The following AFF4 variants were observed in gnomAD, a reference collection of about 807,000 sequenced individuals.
AFF4 encodes the protein ALF transcription elongation factor 4.
A neutral mutation model predicts 124.8 loss-of-function variants in AFF4; 13 were observed. That is an observed-to-expected ratio of 0.10 (90% CI 0.07 to 0.17). The LOEUF (loss-of-function observed/expected upper bound fraction) is 0.17, where lower values mean the gene tolerates loss of function less well. AFF4 is among the 10% of genes least tolerant of loss of function. The pLI is 1.00. For missense variants in AFF4, 1,092 were observed against 1,403.8 expected (o/e 0.78, Z 3.55); for synonymous variants, 477 against 496.1 (o/e 0.96, Z 0.51).
At chr5:132,886,440 A>G (rs766618602) in intron 17 of AFF4, 37 bp from the exon 18 acceptor site, 6 of 1,595,858 alleles carry the variant, frequency 3.8e-6, no homozygotes, top group South Asian at 1.1e-5. Context: ...TTACCAGGAC[A>G]GCAAACTCTG....
chr5:132,888,081 G>A lies in AFF4; in HGVS notation c.2796+16C>T, dbSNP rs760584834. 6.2e-6 allele frequency: 10 copies of A among 1,608,478 alleles called. No individual in the cohort carries two copies. In the East Asian group the frequency reaches 1.3e-4, roughly 22 times the overall value. ...ATTTGATTAAATACGTAAGTGTAAG[G>A]AGAATATCTACATACCAATGCATCT... On this transcript the variant is annotated intron_variant, in intron 15 of 20. Coordinates refer to ENST00000265343, the MANE Select transcript of AFF4 (RefSeq NM_014423.4).
intron 1 of AFF4, among the ~76,000 whole-genome samples, chr5:132,937,979 T>C (rs922979335): frequency 6.6e-6 from 1 of 152,170 alleles, no homozygotes; most frequent in Non-Finnish European, 1.5e-5. Context: ...AGCCAATTTA[T>C]AGCAGCAAGG....
At chr5:132,904,238 A>G in intron 6 of AFF4, 130 bp downstream of exon 6, 4 of 873,714 alleles carry the variant, frequency 4.6e-6, no homozygotes, top group Non-Finnish European at 7.0e-6. Flanking sequence ...GAAAAAAAAA[A>G]AAAGAAAACA....
chr5:132,924,197 TG>T (rs1468109812), intron 5 of AFF4, among the ~76,000 whole-genome samples: 3 of 151,976 alleles, frequency 2.0e-5, no homozygotes, highest in Non-Finnish European at 4.4e-5. Flanking sequence ...GAGGTTGCAG[TG>T]AGCCGAGATC....
Position 132,875,962 on chromosome 5 carries a change from CA to C in AFF4, c.*5096del. 1 of 226,710 alleles carries C rather than the reference CA, an allele frequency of 4.4e-6. No homozygotes were observed. Among genetic ancestry groups the C allele is most frequent in the Non-Finnish European group, 8.8e-6 (1 of 113,920 alleles). The allele number at this position is 226,710 out of a possible 1,614,324, so 14.0% of individuals were successfully genotyped here. A position where few individuals can be genotyped will look rare whatever the true frequency, so the allele number is the denominator to read the frequency against. On this transcript the variant is annotated 3_prime_UTR_variant, in exon 21 of 21. Coordinates refer to ENST00000265343, the MANE Select transcript of AFF4 (RefSeq NM_014423.4). The stretch of plus-strand genomic sequence containing the variant: ...TTTATCAGTGACATTATCTCCCCTC[CA>C]AAACCCTCCCCAAATATCAAACAAT...
At chr5:132,953,390 G>A (rs1761886440) in intron 1 of AFF4, among the ~76,000 whole-genome samples, 1 of 151,906 alleles carries the variant, frequency 6.6e-6, no homozygotes, top group Admixed American at 6.6e-5. Context: ...AAGGATGCAT[G>A]ACACCACACC....
chr5:132,955,579 C>A (rs1234483370), intron 1 of AFF4, among the ~76,000 whole-genome samples: 1 of 151,858 alleles, frequency 6.6e-6, no homozygotes, highest in Non-Finnish European at 1.5e-5. Flanking sequence ...GAGTTCAAGA[C>A]CAGCCTGATC....
At chr5:132,930,999 C>G (rs1056719859) in intron 4 of AFF4, among the ~76,000 whole-genome samples, 1 of 148,670 alleles carries the variant, frequency 6.7e-6, no homozygotes, top group Non-Finnish European at 1.5e-5. Flanking sequence ...CCCAGCTACT[C>G]AGGAGGCTGA....
In AFF4 at chr5:132,954,633, C is replaced by T. The variant is rs1297574818; in HGVS notation, c.-5+8626G>A. 3.1e-4 allele frequency among the ~76,000 whole-genome samples: 46 copies of T among 149,746 alleles called. No individual in the cohort carries two copies. In the East Asian group the frequency reaches 5.7e-3, roughly 19 times the overall value. On this transcript the variant is annotated intron_variant, in intron 1 of 20. Coordinates refer to ENST00000265343, the MANE Select transcript of AFF4 (RefSeq NM_014423.4). ...CGGGATCTCGGCTCACTGCAAGCTC[C>T]GCCTCCCGGGTTCACGCCATTCTCC... is the stretch of plus-strand genomic sequence containing the variant.
Position 132,934,329 on chromosome 5 carries a change from A to C in AFF4, c.736T>G (p.Ser246Ala), listed in dbSNP as rs760623140. Residue 246 changes from serine to alanine, a missense_variant, in exon 3 of 21, where the codon TCC (serine) becomes GCC (alanine). By Grantham distance (99) the Ser-to-Ala change is moderately conservative (BLOSUM62 1). Transcript: ENST00000265343. ...GTGGGTTTCTGTAACATTGAATTGG[A>C]CTTTGACATCAATGAGGGTGGGAAA... ...QSFPPSLMSK[S>A]NSMLQKPTAY... is the part of the protein sequence containing the mutation. The C allele has an allele frequency of 6.2e-7, 1 of 1,613,964 alleles. No homozygotes were observed. The highest frequency in any genetic ancestry group is 2.2e-5 in the East Asian group (1 of 44,876).
At chr5:132,887,654 C>T in intron 16 of AFF4, 62 bp from the exon 17 acceptor site, 1 of 1,543,758 alleles carries the variant, frequency 6.5e-7, no homozygotes, top group Non-Finnish European at 8.9e-7. Context: ...CTTATGATTT[C>T]ACTTGTCCTC....
At chr5:132,931,624 C>A (rs1181644939) in intron 4 of AFF4, among the ~76,000 whole-genome samples, 1 of 152,160 alleles carries the variant, frequency 6.6e-6, no homozygotes, top group African/African-American at 2.4e-5. Flanking sequence ...GTTTTCCAGG[C>A]AAAGTAAGTG....
In AFF4 at chr5:132,934,586, C is replaced by T; in HGVS notation, c.479G>A (p.Gly160Glu). Residue 160 changes from glycine (G) to glutamate (E), a missense_variant, in exon 3 of 21, where the codon GGG becomes GAG. This residue lies in a region of AFF4 where 188 missense variants were observed against 203.0 expected (regional missense o/e 0.93). Transcript: ENST00000265343. ...CTGGCCTTTTTTCCGGCTACTGCTCCCACTATTGTTATATGACTCACGGTC... is the reference window on the plus strand; with the variant it reads ...CTGGCCTTTTTTCCGGCTACTGCTCTCACTATTGTTATATGACTCACGGTC... The part of the protein sequence containing the change: ...RHDRESYNNS[G>E]SSSRKKGQHG... 6.2e-7 allele frequency: 1 copy of T among 1,614,152 alleles called. No homozygotes were observed. The highest frequency in any genetic ancestry group is 1.3e-5 in the African/African-American group (1 of 75,024).
At chr5:132,950,631 G>A (rs979318351) in intron 1 of AFF4, among the ~76,000 whole-genome samples, 1 of 151,360 alleles carries the variant, frequency 6.6e-6, no homozygotes, top group African/African-American at 2.4e-5. Context: ...CCCAGGCGAC[G>A]GTGCGAGACT....
intron 3 of AFF4, among the ~76,000 whole-genome samples, chr5:132,933,577 T>G (rs953615827): frequency 6.6e-6 from 1 of 152,156 alleles, no homozygotes; most frequent in Non-Finnish European, 1.5e-5. Flanking sequence ...TATTTCACAA[T>G]GAAATGTTCC....
chr5:132,955,465 G>A (rs72799498), intron 1 of AFF4, among the ~76,000 whole-genome samples: 17,486 of 152,078 alleles, frequency 0.11, 1,262 homozygotes, highest in South Asian at 0.2. Flanking sequence ...CTTGCATAGT[G>A]TACTACATAA....
chr5:132,949,615 T>C (rs994678003), intron 1 of AFF4, among the ~76,000 whole-genome samples: 15 of 150,522 alleles, frequency 1.0e-4, no homozygotes, highest in Admixed American at 8.6e-4. Context: ...ACTGAGACCA[T>C]CCTGCGGGTG....
chr5:132,919,287 T>A (rs1760985556), intron 5 of AFF4, among the ~76,000 whole-genome samples: 1 of 152,096 alleles, frequency 6.6e-6, no homozygotes, highest in South Asian at 2.1e-4. Context: ...TTACAGTAAG[T>A]CTCAAAGTCA....
intron 1 of AFF4, among the ~76,000 whole-genome samples, chr5:132,958,043 T>A (rs1384926658): frequency 6.6e-6 from 1 of 152,194 alleles, no homozygotes; most frequent in African/African-American, 2.4e-5. Flanking sequence ...ATCAGGGAAA[T>A]GTGAACACTT....
Sources: gnomAD v4.1 joint callset for allele counts (sites outside exome capture counted in the v4.1 genomes callset) on GRCh38, gnomAD v4.1.1 for gene constraint, gnomAD v4.1.1 regional missense constraint, MANE v1.5 for transcripts, NCBI Gene and HGNC (gene_info 2026-07-23, HGNC 2026-07-21) for gene names.